PDCD6: variants seen among roughly 807,000 people sequenced by gnomAD.
PDCD6 encodes the protein programmed cell death protein 6.
In PDCD6, 12 loss-of-function variants were observed where a neutral mutation model predicts 28.3. The ratio of observed to expected loss-of-function variants is 0.42; its 90% CI spans 0.27 to 0.69. PDCD6 has a LOEUF of 0.69. Among genes scored for constraint, PDCD6 ranks in the 30% least tolerant of loss-of-function variants. The pLI is 0.22. For missense variants in PDCD6, 226 were observed against 269.9 expected, an observed-to-expected ratio of 0.84 and a Z score of 1.14; for synonymous variants, 92 against 108.0, an observed-to-expected ratio of 0.85 and a Z score of 0.92.
chr5:284,514 G>T (rs1202013900), intron 2 of PDCD6, among the ~76,000 whole-genome samples: 1 of 152,120 alleles, frequency 6.6e-6, no homozygotes, highest in East Asian at 1.9e-4. Flanking sequence ...CTGGAGACCT[G>T]TGCGGGGGAG....
intron 2 of PDCD6, among the ~76,000 whole-genome samples, chr5:279,928 G>A (rs1456853755): frequency 6.9e-6 from 1 of 145,598 alleles, no homozygotes; most frequent in African/African-American, 2.6e-5. Flanking sequence ...CGAGTGCTAG[G>A]AGAGCATCTA....
intron 2 of PDCD6, among the ~76,000 whole-genome samples, chr5:279,850 T>C (rs59113266): frequency 0.24 from 35,469 of 145,280 alleles, 6,654 homozygotes; most frequent in African/African-American, 0.53. Context: ...TGGCAAAAAC[T>C]GCGATGACTT....
chr5:289,449 G>A (rs761546219), intron 2 of PDCD6: 5 of 697,046 alleles, frequency 7.2e-6, no homozygotes, highest in Admixed American at 6.9e-5. Context: ...CGCGCTGCCG[G>A]GTACAACGGC....
intron 2 of PDCD6, among the ~76,000 whole-genome samples, chr5:275,201 C>A (rs540197205): frequency 6.6e-6 from 1 of 152,158 alleles, no homozygotes; most frequent in African/African-American, 2.4e-5. Context: ...CAGGGGGATC[C>A]CTTGAGCCCA....
chr5:303,223 A>G (rs2672730), intron 2 of PDCD6, among the ~76,000 whole-genome samples: 100,897 of 150,764 alleles, frequency 0.67, 34,437 homozygotes, highest in African/African-American at 0.75. Context: ...GTGCTCCACC[A>G]GGAGCCTGAC....
intron 2 of PDCD6, among the ~76,000 whole-genome samples, chr5:297,263 CA>C (rs1739679176): frequency 6.6e-6 from 1 of 152,252 alleles, no homozygotes; most frequent in Non-Finnish European, 1.5e-5. Flanking sequence ...GTGGATCTAC[CA>C]TGTGGTTAAC....
At chr5:303,962 A>G (rs1293573701) in intron 2 of PDCD6, among the ~76,000 whole-genome samples, 3 of 151,624 alleles carry the variant, frequency 2.0e-5, no homozygotes, top group Non-Finnish European at 4.4e-5. Flanking sequence ...GGAGGCCACG[A>G]AGGACTCCCA....
At position 295,644 on chromosome 5, in the gene PDCD6, C is replaced by T. The variant is rs1739565414; in HGVS notation, c.164-8533C>T. On this transcript the variant is annotated intron_variant, in intron 2 of 5. Coordinates refer to ENST00000264933, the MANE Select transcript of PDCD6 (RefSeq NM_013232.4). ...GGAATTCTGGCTGGGTCCTCAGGAGCCTTTTTTTTCTTGTCCACATTCACC... is the reference window on the plus strand; with the variant it reads ...GGAATTCTGGCTGGGTCCTCAGGAGTCTTTTTTTTCTTGTCCACATTCACC... Among the ~76,000 whole-genome samples the T allele has an allele frequency of 2.1e-5, 3 of 144,558 alleles. No individual in the cohort carries two copies. The South Asian group carries it at 6.8e-4, about 33-fold the overall frequency. 94.8% of individuals were successfully genotyped at this position (144,558 alleles called of 152,430 possible).
chr5:306,252 C>T (rs779407278), intron 3 of PDCD6: 61 of 246,146 alleles, frequency 2.5e-4, no homozygotes, highest in Admixed American at 9.0e-4. Context: ...TTACCTTCCC[C>T]GTGCCTCGGA....
In PDCD6 at chr5:305,992, T is replaced by A. The variant is rs1400617662; in HGVS notation, c.209-610T>A. 1 of 153,884 alleles carries A rather than the reference T, an allele frequency of 6.5e-6. No homozygotes were observed. The highest frequency in any genetic ancestry group is 2.4e-5 in the African/African-American group (1 of 41,488). 9.5% of individuals were successfully genotyped at this position (153,884 alleles called of 1,614,324 possible). On this transcript the variant is annotated intron_variant, in intron 3 of 5. Transcript: ENST00000264933. The surrounding 1 kb of genome is among the most constrained non-coding windows in gnomAD (Gnocchi z 4.0). ...GCAGCAGTAATTCACACTGAATTTTTCTATGTTTTTTAGCCATATTGCAAC... is the reference window on the plus strand; with the variant it reads ...GCAGCAGTAATTCACACTGAATTTTACTATGTTTTTTAGCCATATTGCAAC...
At chr5:303,093 T>G (rs1740211705) in intron 2 of PDCD6, among the ~76,000 whole-genome samples, 1 of 152,018 alleles carries the variant, frequency 6.6e-6, no homozygotes, top group Non-Finnish European at 1.5e-5. Flanking sequence ...GGAGGGTGTG[T>G]GTGTCTTAGG....
chr5:285,097 G>C (rs1318660890), intron 2 of PDCD6, among the ~76,000 whole-genome samples: 6 of 148,164 alleles, frequency 4.0e-5, no homozygotes, highest in Non-Finnish European at 7.4e-5. Context: ...CTCCCCACCA[G>C]GTCTCCAGCT....
intron 2 of PDCD6, among the ~76,000 whole-genome samples, chr5:283,936 C>G (rs969130177): frequency 4.0e-5 from 6 of 151,724 alleles, no homozygotes; most frequent in African/African-American, 4.8e-5. Flanking sequence ...CAGGGAGGAG[C>G]TGATGTTCTA....
At chr5:287,324 A>G (rs1242872098) in intron 2 of PDCD6, among the ~76,000 whole-genome samples, 1 of 152,130 alleles carries the variant, frequency 6.6e-6, no homozygotes, top group East Asian at 1.9e-4. Context: ...ATGTTAGGGA[A>G]GTAGAGAGAG....
chr5:300,318 G>A (rs546594064), intron 2 of PDCD6, among the ~76,000 whole-genome samples: 41 of 152,330 alleles, frequency 2.7e-4, no homozygotes, highest in Admixed American at 1.1e-3. Context: ...TCCGCACCAC[G>A]GCACTAGCTG....
At chr5:286,089 G>T (rs1487062954) in intron 2 of PDCD6, among the ~76,000 whole-genome samples, 4 of 136,556 alleles carry the variant, frequency 2.9e-5, no homozygotes, top group South Asian at 2.1e-4. Flanking sequence ...TGCAGCTGAG[G>T]ACCCAGGGGG....
chr5:282,501 G>C (rs950333607), intron 2 of PDCD6, among the ~76,000 whole-genome samples: 5 of 151,476 alleles, frequency 3.3e-5, no homozygotes, highest in African/African-American at 1.2e-4. Context: ...GGATCATGCA[G>C]CTGAAGACTC....
Position 314,556 on chromosome 5 carries a change from C to A in PDCD6, c.*41C>A. 1 of 1,341,034 alleles carries A rather than the reference C, an allele frequency of 7.5e-7. No individual in the cohort carries two copies. The highest frequency in any genetic ancestry group is 1.1e-6 in the Non-Finnish European group (1 of 932,322). The allele number at this position is 1,341,034 out of a possible 1,614,324, so 83.1% of individuals were successfully genotyped here. On this transcript the variant is annotated 3_prime_UTR_variant, in exon 6 of 6. Transcript: ENST00000264933. The stretch of plus-strand genomic sequence containing the variant: ...AAGAGCAGCACAACATGGAAAGAGC[C>A]AAAATGTCACAGTTCCTATCTGTGA...
chr5:304,268 C>T (rs558383950), intron 3 of PDCD6, 47 bp downstream of exon 3: 135 of 1,312,788 alleles, frequency 1.0e-4, no homozygotes, highest in Middle Eastern at 2.5e-4. Context: ...GTATCCGACC[C>T]GCTTGGGTAC....
Sources: allele counts gnomAD v4.1 joint callset (sites outside exome capture counted in the v4.1 genomes callset), GRCh38; gene constraint gnomAD v4.1.1; non-coding constraint Gnocchi (gnomAD v3.1); transcripts MANE v1.5; gene names NCBI Gene and HGNC (gene_info 2026-07-23, HGNC 2026-07-21).